CWC27: variants seen among roughly 807,000 people sequenced by gnomAD.
The protein encoded by CWC27 is spliceosome-associated protein CWC27 homolog.
CWC27 carries 47 observed loss-of-function variants against 63.6 expected under a neutral mutation model. The ratio of observed to expected loss-of-function variants is 0.74; its 90% CI spans 0.58 to 0.94. CWC27 has a LOEUF of 0.94. Ranked by LOEUF, CWC27 falls within the 40% of genes least tolerant of loss-of-function variation. The pLI is 0.00. For missense variants in CWC27, 495 were observed against 554.3 expected (o/e 0.89, Z 1.07); for synonymous variants, 175 against 179.8 (o/e 0.97, Z 0.22).
intron 11 of CWC27, among the ~76,000 whole-genome samples, chr5:64,927,631 G>A (rs1748145127): frequency 6.6e-6 from 1 of 152,028 alleles, no homozygotes; most frequent in Admixed American, 6.6e-5. Flanking sequence ...TTTTGCAAAA[G>A]TCTGTCTGTA....
chr5:64,784,009 T>C, intron 4 of CWC27, 30 bp downstream of exon 4: 1 of 1,534,042 alleles, frequency 6.5e-7, no homozygotes, highest in Middle Eastern at 1.7e-4. Context: ...AAACCTGTGG[T>C]TCAGTTTTTG....
chr5:65,010,980 A>G (rs1191497976), intron 13 of CWC27, among the ~76,000 whole-genome samples: 4 of 152,200 alleles, frequency 2.6e-5, no homozygotes, highest in Admixed American at 2.6e-4. Context: ...ACATTTATTT[A>G]TTCAGCACAC....
chr5:64,839,996 A>G (rs1745759418), intron 10 of CWC27, among the ~76,000 whole-genome samples: 1 of 152,130 alleles, frequency 6.6e-6, no homozygotes, highest in Non-Finnish European at 1.5e-5. Context: ...AAACCCCCTT[A>G]GATCTAGTCT....
chr5:64,898,178 G>A lies in CWC27; in HGVS notation c.1042+12632G>A, dbSNP rs570028149. On this transcript the variant is annotated intron_variant, in intron 11 of 13. Coordinates refer to ENST00000381070, the MANE Select transcript of CWC27 (RefSeq NM_005869.4). ...GGATTGTTTTCAGACTACATCTTCT[G>A]ACACAATGCAGTTGTTAGGAATTAG... Among the ~76,000 whole-genome samples the A allele has an allele frequency of 5.3e-5, 8 of 152,278 alleles. No individual in the cohort carries two copies. In the East Asian group the frequency reaches 1.5e-3, roughly 29 times the overall value.
At chr5:65,012,813 C>T (rs1266297378) in intron 13 of CWC27, among the ~76,000 whole-genome samples, 1 of 152,200 alleles carries the variant, frequency 6.6e-6, no homozygotes, top group African/African-American at 2.4e-5. Flanking sequence ...ATCAATCAAT[C>T]TGAAAGCATA....
At chr5:64,785,688 A>G in intron 5 of CWC27, 109 bp downstream of exon 5, 1 of 599,774 alleles carries the variant, frequency 1.7e-6, no homozygotes, top group Non-Finnish European at 2.8e-6. Context: ...TGTTAACATC[A>G]CAACTCAAAT....
At chr5:64,948,416 A>G (rs1481931170) in intron 11 of CWC27, among the ~76,000 whole-genome samples, 1 of 151,944 alleles carries the variant, frequency 6.6e-6, no homozygotes, top group Non-Finnish European at 1.5e-5. Flanking sequence ...CCTTATATAT[A>G]CAGTTTTATC....
At chr5:64,866,666 T>A (rs1746538286) in intron 10 of CWC27, among the ~76,000 whole-genome samples, 1 of 152,066 alleles carries the variant, frequency 6.6e-6, no homozygotes, top group African/African-American at 2.4e-5. Context: ...ATCCATTGGT[T>A]GTTTAGGAAT....
rs181894518 is a variant in CWC27 at position 64,997,759 on chromosome 5, C to A, written c.1257-20400C>A. On this transcript the variant is annotated intron_variant, in intron 13 of 13. Coordinates refer to ENST00000381070, the MANE Select transcript of CWC27 (RefSeq NM_005869.4). ...AGGGGAGGGGACACAGATAAAGGAA[C>A]ATTCATTGTAAATAGAATTTAAATA... Among the ~76,000 whole-genome samples the A allele has an allele frequency of 5.5e-3, 838 of 152,174 alleles. 7 individuals carry two copies. The highest frequency in any genetic ancestry group is 0.019 in the African/African-American group (807 of 41,536).
intron 11 of CWC27, among the ~76,000 whole-genome samples, chr5:64,955,617 A>G (rs1298364219): frequency 2.0e-5 from 3 of 152,130 alleles, no homozygotes; most frequent in Non-Finnish European, 2.9e-5. Flanking sequence ...CAAATGGAGC[A>G]TAGTTGGATG....
intron 2 of CWC27, among the ~76,000 whole-genome samples, chr5:64,776,339 T>A (rs1458833317): frequency 6.6e-6 from 1 of 151,838 alleles, no homozygotes; most frequent in Non-Finnish European, 1.5e-5. Context: ...TACAAAAACA[T>A]TAGAAAGAAT....
chr5:64,971,564 C>T (rs1458125404), intron 11 of CWC27, 139 bp from the exon 12 acceptor site: 8 of 558,110 alleles, frequency 1.4e-5, no homozygotes, highest in Non-Finnish European at 2.5e-5. Flanking sequence ...GTGGGGCTTA[C>T]AGGTTTTCTT....
At chr5:65,004,958 A>C (rs2112469363) in intron 13 of CWC27, among the ~76,000 whole-genome samples, 1 of 136,002 alleles carries the variant, frequency 7.4e-6, no homozygotes, top group Middle Eastern at 4.2e-3. Context: ...AGGGTGCTTC[A>C]GCTTTGCTTC....
At chr5:64,880,854 A>ATTTTTTTTTTT (rs35152901) in intron 10 of CWC27, among the ~76,000 whole-genome samples, 1 of 136,032 alleles carries the variant, frequency 7.4e-6, no homozygotes. Context: ...TATAAAAGCC[A>ATTTTTTTTTTT]TTTTTTTTTT....
intron 10 of CWC27, among the ~76,000 whole-genome samples, chr5:64,853,145 A>C (rs985729068): frequency 6.6e-6 from 1 of 152,226 alleles, no homozygotes; most frequent in Non-Finnish European, 1.5e-5. Flanking sequence ...ATTTGGGCTC[A>C]ACAATATGGA....
chr5:64,934,865 T>C (rs1187463987), intron 11 of CWC27, among the ~76,000 whole-genome samples: 1 of 152,168 alleles, frequency 6.6e-6, no homozygotes, highest in African/African-American at 2.4e-5. Context: ...GATGATGAGC[T>C]TTTTTTCATA....
chr5:64,853,177 C>T (rs1329529720), intron 10 of CWC27, among the ~76,000 whole-genome samples: 1 of 152,150 alleles, frequency 6.6e-6, no homozygotes, highest in Non-Finnish European at 1.5e-5. Context: ...ACAGGTAGAC[C>T]AGGTCCAAAA....
chr5:64,779,442 C>A (rs1312081006), intron 2 of CWC27, among the ~76,000 whole-genome samples: 1 of 152,178 alleles, frequency 6.6e-6, no homozygotes, highest in African/African-American at 2.4e-5. Context: ...TCCTCTTGTG[C>A]TTACCTAATG....
Position 65,004,909 on chromosome 5 carries a change from T to TACACACAC in CWC27, c.1257-13231_1257-13224dup, listed in dbSNP as rs61613608. ...ATATATATATATATATATATATACA[T>TACACACAC]ACACACACACACACACACACACACA... On this transcript the variant is annotated intron_variant, in intron 13 of 13. Transcript: ENST00000381070. 6.0e-4 allele frequency among the ~76,000 whole-genome samples: 39 copies of TACACACAC among 65,080 alleles called. 1 individual carries two copies. The highest frequency in any genetic ancestry group is 2.2e-3 in the African/African-American group (35 of 16,002). 42.7% of individuals were successfully genotyped at this position (65,080 alleles called of 152,430 possible).
Sources: gnomAD v4.1 joint callset for allele counts (sites outside exome capture counted in the v4.1 genomes callset) on GRCh38, gnomAD v4.1.1 for gene constraint, MANE v1.5 for transcripts, NCBI Gene and HGNC (gene_info 2026-07-23, HGNC 2026-07-21) for gene names.